Variants in ATE1 observed in about 807,000 individuals in gnomAD.
ATE1 encodes arginyl-tRNA--protein transferase 1.
In ATE1, 36 loss-of-function variants were observed where a neutral mutation model predicts 70.5. The ratio of observed to expected loss-of-function variants is 0.51; its 90% CI spans 0.39 to 0.67. The LOEUF is 0.67. Among genes scored for constraint, ATE1 ranks in the 30% least tolerant of loss-of-function variants. The pLI, the probability that ATE1 is intolerant of heterozygous loss-of-function variation, is 0.00. For synonymous variants in ATE1, 232 were observed against 219.3 expected (o/e 1.06, Z -0.51); for missense variants, 593 against 629.5 (o/e 0.94, Z 0.62).
chr10:121,834,211 C>T (rs1948351793), intron 10 of ATE1, among the ~76,000 whole-genome samples: 1 of 152,166 alleles, frequency 6.6e-6, no homozygotes, highest in African/African-American at 2.4e-5. Flanking sequence ...TAGCCACACT[C>T]AGTTAATTAA....
chr10:121,916,775 C>A lies in ATE1; in HGVS notation c.234-2882G>T, dbSNP rs551887716. On this transcript the variant is annotated intron_variant, in intron 3 of 11. Transcript: ENST00000224652. The stretch of plus-strand genomic sequence containing the variant: ...ACTTGAACCTGGGAGGCAGAGGGAG[C>A]AGTGAGCCAAGATCGCGCCACTGCA... Among the ~76,000 whole-genome samples the A allele has an allele frequency of 1.5e-4, 22 of 151,054 alleles. No individual in the cohort carries two copies. In the South Asian group the frequency reaches 3.3e-3, roughly 23 times the overall value.
intron 7 of ATE1, among the ~76,000 whole-genome samples, chr10:121,897,767 AG>A (rs1359068491): frequency 6.6e-6 from 1 of 151,004 alleles, no homozygotes; most frequent in African/African-American, 2.4e-5. Context: ...TGGAGGTTGC[AG>A]TGAGCAGAGA....
chr10:121,783,196 T>C (rs868674209), intron 11 of ATE1, among the ~76,000 whole-genome samples: 2 of 15,692 alleles, frequency 1.3e-4, no homozygotes, highest in Middle Eastern at 0.071. Context: ...ACAGTATCTG[T>C]TCCTAAGATC....
At chr10:121,907,868 A>G (rs563356335) in intron 5 of ATE1, among the ~76,000 whole-genome samples, 1 of 152,332 alleles carries the variant, frequency 6.6e-6, no homozygotes, top group South Asian at 2.1e-4. Flanking sequence ...CGAAGCCTAG[A>G]AAACAATGAC....
chr10:121,752,066 G>T (rs1462281835), intron 11 of ATE1, among the ~76,000 whole-genome samples: 13 of 150,990 alleles, frequency 8.6e-5, no homozygotes, highest in African/African-American at 2.9e-4. Context: ...GCACGGTGGC[G>T]GCCGCCTGTA....
At chr10:121,841,326 A>G (rs371814110) in intron 8 of ATE1, 63 bp from the exon 9 acceptor site, 4 of 1,118,108 alleles carry the variant, frequency 3.6e-6, no homozygotes, top group Non-Finnish European at 4.6e-6. Context: ...TATAATTAAT[A>G]TATACTTTCA....
At chr10:121,817,453 G>A (rs1203078921) in intron 10 of ATE1, among the ~76,000 whole-genome samples, 3 of 151,882 alleles carry the variant, frequency 2.0e-5, no homozygotes, top group Non-Finnish European at 2.9e-5. Context: ...GCAGGAGAAC[G>A]GTGTGAACCC....
rs554204539 is a variant in ATE1 at position 121,873,895 on chromosome 10, T to C, written c.943-3857A>G. On this transcript the variant is annotated intron_variant, in intron 7 of 11. Coordinates refer to ENST00000224652, the MANE Select transcript of ATE1 (RefSeq NM_001001976.3). ...TACAAAGATAAATAACATTTTTTTT[T>C]CCTAACCCAAGGAACATCAGTAAGG... 8.5e-5 allele frequency among the ~76,000 whole-genome samples: 13 copies of C among 152,258 alleles called. No individual in the cohort carries two copies. The East Asian group carries it at 2.3e-3, about 27-fold the overall frequency.
At chr10:121,773,044 T>C (rs1041407041) in intron 11 of ATE1, among the ~76,000 whole-genome samples, 1 of 152,210 alleles carries the variant, frequency 6.6e-6, no homozygotes, top group African/African-American at 2.4e-5. Flanking sequence ...TTTTGGTGTT[T>C]TGCTTTTATC....
intron 6 of ATE1, among the ~76,000 whole-genome samples, chr10:121,902,140 A>G (rs148383112): frequency 6.6e-6 from 1 of 152,184 alleles, no homozygotes; most frequent in Admixed American, 6.5e-5. Flanking sequence ...TAAAATTGAC[A>G]CTGTTTTCAC....
intron 7 of ATE1, among the ~76,000 whole-genome samples, chr10:121,892,208 T>C (rs1384314603): frequency 6.6e-6 from 1 of 152,158 alleles, no homozygotes; most frequent in Non-Finnish European, 1.5e-5. Flanking sequence ...GTTTGCCAAG[T>C]GGAGAAAGAA....
Position 121,906,397 on chromosome 10 carries a change from C to T in ATE1, c.584-3777G>A, listed in dbSNP as rs534869595. ...ACAAAAAATTAGCCAGGTGTAGTGA[C>T]GTGTACTGGTAGTCCCAAGTGCTCC... On this transcript the variant is annotated intron_variant, in intron 5 of 11. Coordinates refer to ENST00000224652, the MANE Select transcript of ATE1 (RefSeq NM_001001976.3). 3.3e-5 allele frequency among the ~76,000 whole-genome samples: 5 copies of T among 152,072 alleles called. No homozygotes were observed. In the South Asian group the frequency reaches 1.0e-3, roughly 32 times the overall value.
chr10:121,836,023 G>A (rs1590433795), intron 10 of ATE1, among the ~76,000 whole-genome samples: 1 of 152,124 alleles, frequency 6.6e-6, no homozygotes, highest in Admixed American at 6.5e-5. Context: ...CTGGCCTTCA[G>A]GGTCCTGCAC....
intron 11 of ATE1, among the ~76,000 whole-genome samples, chr10:121,752,234 GT>G (rs767272285): frequency 0.013 from 1,599 of 122,202 alleles, 33 homozygotes; most frequent in African/African-American, 0.044. Flanking sequence ...TATTTCTAAG[GT>G]TTTTTTTTTT....
At chr10:121,793,901 T>C (rs1176369617) in intron 10 of ATE1, among the ~76,000 whole-genome samples, 1 of 152,226 alleles carries the variant, frequency 6.6e-6, no homozygotes, top group Non-Finnish European at 1.5e-5. Context: ...TTCAAGGTTA[T>C]GAAAGCATAC....
At chr10:121,917,163 C>CAA (rs1378494697) in intron 3 of ATE1, among the ~76,000 whole-genome samples, 5 of 146,592 alleles carry the variant, frequency 3.4e-5, no homozygotes, top group African/African-American at 1.2e-4. Context: ...AACTCCATCT[C>CAA]AAAAAAAAAA....
At chr10:121,821,558 T>C (rs186173906) in intron 10 of ATE1, among the ~76,000 whole-genome samples, 8 of 152,258 alleles carry the variant, frequency 5.3e-5, no homozygotes, top group Admixed American at 1.3e-4. Context: ...GTGCTCAACA[T>C]TGACAATCAA....
intron 8 of ATE1, among the ~76,000 whole-genome samples, chr10:121,851,123 A>G (rs1302068367): frequency 1.6e-5 from 2 of 124,800 alleles, no homozygotes; most frequent in Admixed American, 1.6e-4. Flanking sequence ...AAAAAAAAAA[A>G]GAATTTCAGT....
intron 7 of ATE1, among the ~76,000 whole-genome samples, chr10:121,872,971 A>G (rs1355992144): frequency 6.6e-6 from 1 of 152,120 alleles, no homozygotes; most frequent in Non-Finnish European, 1.5e-5. Flanking sequence ...AAAATATCTG[A>G]TTCTGCAGAT....
Sources: allele counts gnomAD v4.1 joint callset (sites outside exome capture counted in the v4.1 genomes callset), GRCh38; gene constraint gnomAD v4.1.1; transcripts MANE v1.5; gene names NCBI Gene and HGNC (gene_info 2026-07-23, HGNC 2026-07-21).